The following IRAG2 variants were observed in gnomAD, a reference collection of about 807,000 sequenced individuals.
IRAG2 encodes lymphoid restricted membrane protein.
IRAG2 carries 45 observed loss-of-function variants against 69.9 expected under a neutral mutation model. The observed-to-expected ratio is 0.64, with a 90% CI of 0.51 to 0.83. The LOEUF is 0.83. IRAG2 is among the 40% of genes least tolerant of loss of function. IRAG2 has a pLI of 0.00. For missense variants in IRAG2, 520 were observed against 587.0 expected, an observed-to-expected ratio of 0.89 and a Z score of 1.18; for synonymous variants, 193 against 202.4, an observed-to-expected ratio of 0.95 and a Z score of 0.40.
At chr12:25,097,207 T>C (rs1303954644) in intron 15 of IRAG2, 163 bp downstream of exon 15, 3 of 572,250 alleles carry the variant, frequency 5.2e-6, no homozygotes, top group African/African-American at 4.2e-5. Flanking sequence ...AAAAATGGAA[T>C]ATACAAATAA....
intron 16 of IRAG2, among the ~76,000 whole-genome samples, chr12:25,040,794 C>T (rs537294358): frequency 3.3e-5 from 5 of 152,166 alleles, no homozygotes; most frequent in East Asian, 3.9e-4. Context: ...CGACATCCGT[C>T]AGGATGTCCG....
intron 9 of IRAG2, chr12:25,030,259 T>G (rs769017300): frequency 8.1e-7 from 1 of 1,231,242 alleles, no homozygotes; most frequent in African/African-American, 1.6e-5. Flanking sequence ...CGGCCTTCCC[T>G]AAATTCGTCT....
chr12:25,053,485 C>T (rs890464499), intron 1 of IRAG2, among the ~76,000 whole-genome samples: 1 of 151,958 alleles, frequency 6.6e-6, no homozygotes, highest in Non-Finnish European at 1.5e-5. Flanking sequence ...CATACATCTA[C>T]ATACATATTT....
chr12:25,002,849 C>A (rs1944402349), upstream of IRAG2, among the ~76,000 whole-genome samples: 1 of 151,988 alleles, frequency 6.6e-6, no homozygotes, highest in South Asian at 2.1e-4. Context: ...ACCATGTTGG[C>A]CAAGCTGGTC....
At chr12:25,016,348 C>A (rs777555403) in intron 5 of IRAG2, among the ~76,000 whole-genome samples, 1 of 152,146 alleles carries the variant, frequency 6.6e-6, no homozygotes, top group South Asian at 2.1e-4. Flanking sequence ...AAATGATGCT[C>A]ATAAACATTG....
At chr12:25,074,949 T>C (rs1362775819) in intron 6 of IRAG2, among the ~76,000 whole-genome samples, 10 of 152,226 alleles carry the variant, frequency 6.6e-5, no homozygotes, top group Admixed American at 6.5e-4. Flanking sequence ...AAGTTGTATG[T>C]GGGTGCAGCA....
intron 3 of IRAG2, among the ~76,000 whole-genome samples, chr12:25,015,002 T>C (rs1944509430): frequency 6.8e-6 from 1 of 146,126 alleles, no homozygotes; most frequent in South Asian, 2.2e-4. Context: ...TAGCATAGTA[T>C]TGAGCTCCAA....
intron 16 of IRAG2, among the ~76,000 whole-genome samples, chr12:25,039,854 G>A (rs985936925): frequency 2.0e-5 from 3 of 152,128 alleles, no homozygotes; most frequent in African/African-American, 7.2e-5. Context: ...AATAACAGTA[G>A]GTGTCATTTG....
In IRAG2 at chr12:25,077,149, G is replaced by T. The variant is rs970249646; in HGVS notation, c.25-2095G>T. 3.6e-5 allele frequency among the ~76,000 whole-genome samples: 4 copies of T among 112,274 alleles called. No homozygotes were observed. In the Admixed American group the frequency reaches 3.8e-4, roughly 11 times the overall value. The allele number at this position is 112,274 out of a possible 152,430, so 73.7% of individuals were successfully genotyped here. On this transcript the variant is annotated intron_variant, in intron 6 of 21. Transcript: ENST00000556887. The stretch of plus-strand genomic sequence containing the variant: ...CTTCCAAAGTGTTGAGATTGCAGGC[G>T]TGTGCCACCGTGCCTTGTTCATTTC...
At chr12:25,005,164 A>T in intron 1 of IRAG2, 2 of 752,340 alleles carry the variant, frequency 2.7e-6, no homozygotes, top group Non-Finnish European at 3.6e-6. Flanking sequence ...TTTCTTTGTT[A>T]AACCAAAAAA....
At chr12:25,035,457 A>G (rs1944695988) in intron 13 of IRAG2, 2 of 384,922 alleles carry the variant, frequency 5.2e-6, no homozygotes, top group African/African-American at 2.1e-5. Flanking sequence ...TTAAGACAGA[A>G]TAAATGTTCA....
At chr12:25,010,656 T>C (rs575270221) in intron 2 of IRAG2, among the ~76,000 whole-genome samples, 2 of 152,034 alleles carry the variant, frequency 1.3e-5, no homozygotes, top group South Asian at 4.2e-4. Context: ...CTTTTTTTTT[T>C]CTGATGTCAT....
intron 9 of IRAG2, among the ~76,000 whole-genome samples, chr12:25,081,894 AG>A (rs1363306894): frequency 6.6e-6 from 1 of 152,126 alleles, no homozygotes; most frequent in East Asian, 1.9e-4. Context: ...GGACAGAAAA[AG>A]TTGGTTTTTG....
intron 6 of IRAG2, among the ~76,000 whole-genome samples, chr12:25,074,174 C>A (rs978203060): frequency 6.6e-6 from 1 of 152,166 alleles, no homozygotes; most frequent in Non-Finnish European, 1.5e-5. Flanking sequence ...TAAACACACA[C>A]AAATACTTTA....
the IRAG2 span, among the ~76,000 whole-genome samples, chr12:24,998,214 A>G: frequency 2.5e-3 from 385 of 152,366 alleles, no homozygotes; most frequent in Non-Finnish European, 4.5e-3. Context: ...AGAGATGTTT[A>G]TAGTAAGCTT....
intron 5 of IRAG2, among the ~76,000 whole-genome samples, chr12:25,068,092 C>A (rs1946104791): frequency 6.6e-6 from 1 of 152,152 alleles, no homozygotes; most frequent in South Asian, 2.1e-4. Flanking sequence ...CCACCCACCT[C>A]AGCCTCCCAA....
intron 4 of IRAG2, among the ~76,000 whole-genome samples, chr12:25,065,708 G>T (rs544015559): frequency 6.6e-6 from 1 of 152,294 alleles, no homozygotes; most frequent in Non-Finnish European, 1.5e-5. Flanking sequence ...TTGAGACAGG[G>T]TCTCACTTTG....
chr12:25,062,918 G>A lies in IRAG2; in HGVS notation c.-304+18G>A, dbSNP rs1945720571. The A allele has an allele frequency of 7.5e-6, 3 of 398,916 alleles. No homozygotes were observed. Among genetic ancestry groups the A allele is most frequent in the Non-Finnish European group, 1.3e-5 (3 of 225,990 alleles). 24.7% of individuals were successfully genotyped at this position (398,916 alleles called of 1,614,324 possible). On this transcript the variant is annotated intron_variant, in intron 3 of 21. Transcript: ENST00000556887. ...AAAAATTGGTAATTGCGAGCTTTTT[G>A]AAATTATTTAGGTAGTAATTGTGAA...
upstream of IRAG2, among the ~76,000 whole-genome samples, chr12:25,050,533 AAAC>A (rs796525717): frequency 2.0e-5 from 1 of 49,608 alleles, no homozygotes; most frequent in Non-Finnish European, 6.0e-5. Flanking sequence ...GTCTCAAAAA[AAAC>A]AAACAAACAA....
Sources: allele counts gnomAD v4.1 joint callset (sites outside exome capture counted in the v4.1 genomes callset), GRCh38; gene constraint gnomAD v4.1.1; transcripts MANE v1.5; gene names NCBI Gene and HGNC (gene_info 2026-07-23, HGNC 2026-07-21).